The following USP28 variants were observed in gnomAD, a reference collection of about 807,000 sequenced individuals.
The protein encoded by USP28 is ubiquitin specific peptidase 28.
A neutral mutation model predicts 145.0 loss-of-function variants in USP28; 113 were observed. The observed-to-expected ratio is 0.78, with a 90% confidence interval of 0.67 to 0.91. USP28 has a LOEUF of 0.91. Ranked by LOEUF, USP28 falls within the 40% of genes least tolerant of loss-of-function variation. USP28 has a pLI of 0.00. For synonymous variants in USP28, 447 were observed against 450.9 expected, an observed-to-expected ratio of 0.99 and a Z score of 0.11; for missense variants, 1,201 against 1,289.6, an observed-to-expected ratio of 0.93 and a Z score of 1.05.
intron 3 of USP28, among the ~76,000 whole-genome samples, chr11:113,848,817 T>C (rs1426265537): frequency 6.6e-6 from 1 of 152,108 alleles, no homozygotes; most frequent in East Asian, 1.9e-4. Flanking sequence ...AAAGATTCCC[T>C]GAGCCTACAC....
chr11:113,810,629 C>T (rs1940820112), intron 16 of USP28, among the ~76,000 whole-genome samples: 1 of 152,200 alleles, frequency 6.6e-6, no homozygotes, highest in Non-Finnish European at 1.5e-5. Flanking sequence ...AATCCCCAAC[C>T]ACACTAGCAA....
chr11:113,809,376 A>G (rs1940588353), intron 16 of USP28, 122 bp from the exon 17 acceptor site: 1 of 942,960 alleles, frequency 1.1e-6, no homozygotes, highest in South Asian at 1.7e-5. Context: ...TGCACATAGA[A>G]TCCATCAGAA....
chr11:113,830,103 A>AT (rs1329103801), intron 9 of USP28, among the ~76,000 whole-genome samples: 2 of 152,214 alleles, frequency 1.3e-5, no homozygotes, highest in Non-Finnish European at 2.9e-5. Context: ...CAAAAAATAC[A>AT]TTTCAAGGAA....
rs114581974 is a variant in USP28 at position 113,871,009 on chromosome 11, T to C, written c.57+4436A>G. Among the ~76,000 whole-genome samples the C allele has an allele frequency of 7.3e-3, 1,118 of 152,276 alleles. 14 individuals are homozygous for C. Among genetic ancestry groups the C allele is most frequent in the African/African-American group, 0.025 (1,047 of 41,548 alleles). On this transcript the variant is annotated intron_variant, in intron 1 of 24. Coordinates refer to ENST00000003302, the Ensembl canonical transcript of USP28. ...TGGAAAATGCAAATTCAAAATGTAA[T>C]ATGCAAATGAATCACCCAAGAATCT...
exon 18 of USP28, chr11:113,808,306 G>T: frequency 6.2e-7 from 1 of 1,612,786 alleles, no homozygotes; most frequent in Non-Finnish European, 8.5e-7. Context: ...ACCTCACTCA[G>T]TGCCGCTTCT....
exon 7 of USP28, chr11:113,833,550 C>A: frequency 4.3e-6 from 7 of 1,613,348 alleles, no homozygotes; most frequent in Non-Finnish European, 5.9e-6. Context: ...CATGATATTT[C>A]TCTTTTCCTG....
At chr11:113,806,228 G>A (rs558137034) in intron 19 of USP28, among the ~76,000 whole-genome samples, 1 of 152,160 alleles carries the variant, frequency 6.6e-6, no homozygotes, top group Non-Finnish European at 1.5e-5. Context: ...GTGAGCCACT[G>A]TGCCCAGTCC....
intron 13 of USP28, 77 bp downstream of exon 13, chr11:113,817,581 A>G: frequency 6.7e-7 from 1 of 1,493,254 alleles, no homozygotes; most frequent in Non-Finnish European, 9.1e-7. Flanking sequence ...ACTGTCAATC[A>G]AGTACAAAGA....
At chr11:113,860,294 A>G (rs1182913898) in intron 1 of USP28, among the ~76,000 whole-genome samples, 2 of 152,178 alleles carry the variant, frequency 1.3e-5, no homozygotes, top group South Asian at 2.1e-4. Flanking sequence ...CTAGTCTTAC[A>G]AAGACATTTC....
At chr11:113,850,903 G>A (rs755979876) in intron 3 of USP28, among the ~76,000 whole-genome samples, 1 of 152,132 alleles carries the variant, frequency 6.6e-6, no homozygotes, top group Admixed American at 6.6e-5. Context: ...CACTTCTGCC[G>A]TGAATGTCTA....
intron 24 of USP28, among the ~76,000 whole-genome samples, chr11:113,800,455 C>G (rs1938791182): frequency 6.6e-6 from 1 of 151,974 alleles, no homozygotes; most frequent in African/African-American, 2.4e-5. Context: ...CTATACCCAG[C>G]TAAGTTTTCA....
chr11:113,803,119 A>G, intron 23 of USP28, 39 bp downstream of exon 24: 1 of 1,585,200 alleles, frequency 6.3e-7, no homozygotes, highest in Admixed American at 1.8e-5. Flanking sequence ...GCAGAGGTAA[A>G]CAACAAAAAA....
chr11:113,846,794 C>T (rs528459189), intron 3 of USP28, among the ~76,000 whole-genome samples: 1 of 152,072 alleles, frequency 6.6e-6, no homozygotes, highest in Non-Finnish European at 1.5e-5. Context: ...AGTTTGAGAC[C>T]GGCCTGGCCA....
intron 6 of USP28, among the ~76,000 whole-genome samples, 155 bp downstream of exon 6, chr11:113,834,094 A>G (rs1373003505): frequency 6.6e-6 from 1 of 152,206 alleles, no homozygotes; most frequent in Non-Finnish European, 1.5e-5. Context: ...CTTATATGTT[A>G]TCCCAAAAAA....
At chr11:113,803,127 A>C (rs1486565463) in intron 23 of USP28, 31 bp downstream of exon 24, 6 of 1,586,872 alleles carry the variant, frequency 3.8e-6, no homozygotes, top group Non-Finnish European at 5.1e-6. Flanking sequence ...AAACAACAAA[A>C]AAACCTTAAG....
At chr11:113,823,495 T>TA (rs1383959700) in intron 12 of USP28, 110 bp downstream of exon 12, 1 of 897,410 alleles carries the variant, frequency 1.1e-6, no homozygotes, top group Non-Finnish European at 1.7e-6. Flanking sequence ...AGCTGTTTTA[T>TA]AAAATATTCT....
At chr11:113,830,362 T>C (rs1045735728) in intron 9 of USP28, among the ~76,000 whole-genome samples, 9 of 152,170 alleles carry the variant, frequency 5.9e-5, no homozygotes, top group Admixed American at 5.9e-4. Context: ...AATGACTGGC[T>C]GTGGGCTAAG....
At chr11:113,822,714 G>GA (rs1410779758) in intron 12 of USP28, among the ~76,000 whole-genome samples, 22 of 152,302 alleles carry the variant, frequency 1.4e-4, no homozygotes. Context: ...TAAAAGTCCT[G>GA]AAAATCACTT....
Position 113,803,879 on chromosome 11 carries a change from T to C in USP28, c.2659-2A>G. 6.2e-7 allele frequency: 1 copy of C among 1,611,764 alleles called. No individual in the cohort carries two copies. The highest frequency in any genetic ancestry group is 8.5e-7 in the Non-Finnish European group (1 of 1,178,072). ...CAAACTATAATCTTCATGCCACTTCTGAAAAAGAATGACGATTATTAATAA... is the reference window on the plus strand; with the variant it reads ...CAAACTATAATCTTCATGCCACTTCCGAAAAAGAATGACGATTATTAATAA... On this transcript the variant is annotated splice_acceptor_variant, in intron 21 of 24. Coordinates refer to ENST00000003302, the Ensembl canonical transcript of USP28. LOFTEE classifies it high-confidence loss of function.
Sources: gnomAD v4.1 joint callset for allele counts (sites outside exome capture counted in the v4.1 genomes callset) on GRCh38, gnomAD v4.1.1 for gene constraint, MANE v1.5 for transcripts, NCBI Gene and HGNC (gene_info 2026-07-23, HGNC 2026-07-21) for gene names.